The following SBF2 variants were observed in gnomAD, a reference collection of about 807,000 sequenced individuals.
SBF2 encodes the protein SET binding factor 2.
Under a neutral mutation model 225.2 loss-of-function variants are expected in SBF2, and 112 were observed. The observed-to-expected ratio is 0.50, with a 90% CI of 0.43 to 0.58. The LOEUF (loss-of-function observed/expected upper bound fraction) is 0.58, where lower values mean the gene tolerates loss of function less well. Among genes scored for constraint, SBF2 ranks in the 20% least tolerant of loss-of-function variants. The pLI, the probability that SBF2 is intolerant of heterozygous loss-of-function variation, is 0.00. For missense variants in SBF2, 1,996 were observed against 2,206.2 expected, an observed-to-expected ratio of 0.90 and a Z score of 1.91; for synonymous variants, 763 against 773.3, an observed-to-expected ratio of 0.99 and a Z score of 0.22.
At chr11:9,884,235 T>C (rs990783966) in intron 17 of SBF2, among the ~76,000 whole-genome samples, 1 of 152,230 alleles carries the variant, frequency 6.6e-6, no homozygotes, top group African/African-American at 2.4e-5. Context: ...GGCTCTTGTA[T>C]TGAATACTGG....
intron 25 of SBF2, 127 bp downstream of exon 25, chr11:9,842,498 A>T: frequency 1.1e-6 from 1 of 883,490 alleles, no homozygotes; most frequent in Non-Finnish European, 1.8e-6. Flanking sequence ...AGAAGCTGGT[A>T]AGTGCTTCCA....
In SBF2 at chr11:9,856,329, G is replaced by A; in HGVS notation, c.2363+129C>T. ...AAAGAAAAGCTGAGCAAGTCCAAAG[G>A]TGAGGAAAAATGGTTAACTTTTGAA... is the stretch of plus-strand genomic sequence containing the variant. On this transcript the variant is annotated intron_variant, in intron 19 of 39. Transcript: ENST00000256190. The A allele has an allele frequency of 7.5e-6, 9 of 1,199,484 alleles. No individual in the cohort carries two copies. In the South Asian group the frequency reaches 1.0e-4, roughly 13 times the overall value. 74.3% of individuals were successfully genotyped at this position (1,199,484 alleles called of 1,614,324 possible). A position where few individuals can be genotyped will look rare whatever the true frequency, so the allele number is the denominator to read the frequency against.
intron 1 of SBF2, among the ~76,000 whole-genome samples, chr11:10,220,974 TCTC>T (rs1487065099): frequency 5.9e-5 from 9 of 152,160 alleles, no homozygotes; most frequent in Non-Finnish European, 1.3e-4. Flanking sequence ...CCTTCTTTCA[TCTC>T]CTCTCTTTCC....
chr11:10,097,239 C>G (rs1025188237), intron 2 of SBF2, among the ~76,000 whole-genome samples: 6 of 152,218 alleles, frequency 3.9e-5, no homozygotes, highest in African/African-American at 1.4e-4. Flanking sequence ...CACTTGACAA[C>G]AGAGAACAAG....
intron 16 of SBF2, among the ~76,000 whole-genome samples, chr11:9,901,355 T>C (rs1861705463): frequency 6.6e-6 from 1 of 152,076 alleles, no homozygotes; most frequent in Non-Finnish European, 1.5e-5. Context: ...AGGAAGTCCA[T>C]TAGAAGAATA....
intron 28 of SBF2, among the ~76,000 whole-genome samples, chr11:9,822,812 C>T (rs1854849781): frequency 6.6e-6 from 1 of 152,106 alleles, no homozygotes; most frequent in Non-Finnish European, 1.5e-5. Context: ...TGATCTTATA[C>T]CTGGCCCAGT....
chr11:9,877,416 C>CT (rs753747556), intron 17 of SBF2, among the ~76,000 whole-genome samples: 20 of 152,104 alleles, frequency 1.3e-4, no homozygotes, highest in Non-Finnish European at 2.6e-4. Flanking sequence ...TAAAATTATA[C>CT]TTTAAGTTCT....
chr11:10,137,158 G>C (rs1015540324), intron 2 of SBF2, among the ~76,000 whole-genome samples: 3 of 152,056 alleles, frequency 2.0e-5, no homozygotes, highest in Non-Finnish European at 2.9e-5. Context: ...ATTTCTTTTA[G>C]TAACTGTAAA....
chr11:10,057,036 CT>C (rs1950279533), intron 2 of SBF2, among the ~76,000 whole-genome samples: 1 of 152,188 alleles, frequency 6.6e-6, no homozygotes, highest in South Asian at 2.1e-4. Flanking sequence ...AGGTCTGTAC[CT>C]CCCTGGGACA....
At chr11:10,293,277 C>T (rs1964286157) in intron 1 of SBF2, among the ~76,000 whole-genome samples, 1 of 152,184 alleles carries the variant, frequency 6.6e-6, no homozygotes, top group South Asian at 2.1e-4. Flanking sequence ...AATGCATTTG[C>T]CCAATTGTTC....
At chr11:9,846,295 G>C (rs969542614) in intron 23 of SBF2, among the ~76,000 whole-genome samples, 1 of 152,166 alleles carries the variant, frequency 6.6e-6, no homozygotes, top group African/African-American at 2.4e-5. Context: ...GCCAATAGGA[G>C]AGATCCTTGA....
chr11:10,288,538 A>C (rs1963945916), intron 1 of SBF2, among the ~76,000 whole-genome samples: 1 of 151,928 alleles, frequency 6.6e-6, no homozygotes, highest in African/African-American at 2.4e-5. Flanking sequence ...CAGAGAGGGC[A>C]GCTCCTCTCT....
chr11:10,229,699 C>A (rs1047368339), intron 1 of SBF2, among the ~76,000 whole-genome samples: 1 of 152,130 alleles, frequency 6.6e-6, no homozygotes, highest in African/African-American at 2.4e-5. Context: ...AATTTCTGTT[C>A]TTTTACATTT....
rs534269010 is a variant in SBF2 at position 10,222,051 on chromosome 11, G to C, written c.56-28064C>G. Among the ~76,000 whole-genome samples the C allele has an allele frequency of 5.9e-5, 9 of 152,260 alleles. No individual in the cohort carries two copies. The East Asian group carries it at 1.7e-3, about 29-fold the overall frequency. ...TGACCCCTGAACCAAACACGCAAAG[G>C]ACAGACTGCAAGCAGTCCAGGTAGA... On this transcript the variant is annotated intron_variant, in intron 1 of 39. Transcript: ENST00000256190.
chr11:10,286,240 GTAATCATTTCACAATGTA>G (rs1963774700), intron 1 of SBF2, among the ~76,000 whole-genome samples: 1 of 151,912 alleles, frequency 6.6e-6, no homozygotes, highest in African/African-American at 2.4e-5. Context: ...CTTGACTGTG[GTAATCATTTCACAATGTA>G]TACATAAAAC....
chr11:10,246,376 C>T (rs1161087902), intron 1 of SBF2, among the ~76,000 whole-genome samples: 1 of 152,162 alleles, frequency 6.6e-6, no homozygotes, highest in African/African-American at 2.4e-5. Context: ...CTCCGCCTCC[C>T]GGGTTCAAGC....
intron 2 of SBF2, among the ~76,000 whole-genome samples, chr11:10,067,968 T>C (rs1590879252): frequency 6.6e-6 from 1 of 152,202 alleles, no homozygotes; most frequent in East Asian, 1.9e-4. Flanking sequence ...ACTGATCCCT[T>C]TCCATTAATA....
chr11:10,009,157 A>G (rs1430539167), intron 6 of SBF2, among the ~76,000 whole-genome samples: 1 of 152,242 alleles, frequency 6.6e-6, no homozygotes, highest in Non-Finnish European at 1.5e-5. Context: ...TGAACTGCCC[A>G]TGGACTGTCT....
chr11:10,094,683 T>A (rs977586418), intron 2 of SBF2, among the ~76,000 whole-genome samples: 1 of 151,928 alleles, frequency 6.6e-6, no homozygotes, highest in Admixed American at 6.6e-5. Flanking sequence ...TGTATTTTTT[T>A]AGTAGAGACG....
Sources: allele counts gnomAD v4.1 joint callset (sites outside exome capture counted in the v4.1 genomes callset), GRCh38; gene constraint gnomAD v4.1.1; transcripts MANE v1.5; gene names NCBI Gene and HGNC (gene_info 2026-07-23, HGNC 2026-07-21).